The following MSRA variants were observed in gnomAD, a reference collection of about 807,000 sequenced individuals.
The protein encoded by MSRA is methionine sulfoxide reductase A.
A neutral mutation model predicts 31.3 loss-of-function variants in MSRA; 54 were observed. That is an observed-to-expected ratio of 1.73 (90% CI 1.39 to 2.17). The LOEUF is 2.17. Among genes scored for constraint, MSRA ranks in the 30% most tolerant of loss-of-function variants. The pLI is 0.00. For synonymous variants in MSRA, 169 were observed against 116.5 expected (o/e 1.45, Z -2.90); for missense variants, 507 against 300.9 (o/e 1.69, Z -5.07).
chr8:10,254,786 C>T (rs1585285645), intron 3 of MSRA, among the ~76,000 whole-genome samples: 1 of 152,208 alleles, frequency 6.6e-6, no homozygotes, highest in African/African-American at 2.4e-5. Flanking sequence ...ACATGTCTTT[C>T]GTGAGCATTT....
In MSRA at chr8:10,153,016, G is replaced by C. The variant is rs774624516; in HGVS notation, c.143-54817G>C. 3.1e-4 allele frequency among the ~76,000 whole-genome samples: 47 copies of C among 152,194 alleles called. 1 individual carries two copies. The highest frequency in any genetic ancestry group is 5.7e-4 in the Non-Finnish European group (39 of 68,028). The stretch of plus-strand genomic sequence containing the variant: ...CCAGGGGCTGAGGAGAAGAGGGGAT[G>C]AAGAGCTGCTGTTTAAAGGATGCAG... On this transcript the variant is annotated intron_variant, in intron 1 of 5. Transcript: ENST00000317173.
intron 1 of MSRA, among the ~76,000 whole-genome samples, chr8:10,087,085 C>G (rs1027829016): frequency 6.6e-6 from 1 of 152,154 alleles, no homozygotes; most frequent in Non-Finnish European, 1.5e-5. Flanking sequence ...TAAGAATTGT[C>G]ACGTGTAAAG....
intron 1 of MSRA, among the ~76,000 whole-genome samples, chr8:10,133,378 G>A (rs1802038921): frequency 6.6e-6 from 1 of 152,216 alleles, no homozygotes; most frequent in South Asian, 2.1e-4. Flanking sequence ...CCGTCAGGAA[G>A]GTTGTTGGTT....
intron 1 of MSRA, among the ~76,000 whole-genome samples, chr8:10,122,942 A>G (rs1044665822): frequency 2.1e-4 from 32 of 152,204 alleles, no homozygotes; most frequent in Middle Eastern, 3.4e-3. Context: ...GTCATTGGGC[A>G]TTAGGTTGAT....
chr8:10,162,553 C>T lies in MSRA; in HGVS notation c.143-45280C>T, dbSNP rs968054412. ...GGGCAGGTGACGGGAGGAGGACTGG[C>T]GGCCGTCAGTGGGGGCTACCATGGG... On this transcript the variant is annotated intron_variant, in intron 1 of 5. Coordinates refer to ENST00000317173, the MANE Select transcript of MSRA (RefSeq NM_012331.5). 5.9e-5 allele frequency among the ~76,000 whole-genome samples: 9 copies of T among 152,138 alleles called. No individual in the cohort carries two copies. The South Asian group carries it at 6.2e-4, about 11-fold the overall frequency.
chr8:10,425,026 G>T (rs117382880), intron 5 of MSRA, among the ~76,000 whole-genome samples: 1,806 of 152,342 alleles, frequency 0.012, 17 homozygotes, highest in Middle Eastern at 0.051. Context: ...TGACTTGCAA[G>T]TGAGGCAGCG....
intron 3 of MSRA, among the ~76,000 whole-genome samples, chr8:10,298,509 T>A (rs1206940498): frequency 6.6e-6 from 1 of 152,026 alleles, no homozygotes; most frequent in African/African-American, 2.4e-5. Flanking sequence ...GTACGGAATA[T>A]CAGTTTTGCG....
chr8:10,162,016 C>T (rs974274296), intron 1 of MSRA, among the ~76,000 whole-genome samples: 7 of 152,152 alleles, frequency 4.6e-5, no homozygotes, highest in Non-Finnish European at 7.3e-5. Context: ...CACAGGACGC[C>T]GCCCCTCGCT....
chr8:10,181,643 G>C (rs190356291), intron 1 of MSRA, among the ~76,000 whole-genome samples: 1 of 152,080 alleles, frequency 6.6e-6, no homozygotes, highest in Non-Finnish European at 1.5e-5. Flanking sequence ...GTGGAGAGGA[G>C]CCCAGAGAGA....
intron 1 of MSRA, among the ~76,000 whole-genome samples, chr8:10,089,323 A>G (rs1427137436): frequency 6.6e-6 from 1 of 152,218 alleles, no homozygotes; most frequent in Non-Finnish European, 1.5e-5. Context: ...AACAAACCTA[A>G]CAATTGCCTC....
intron 1 of MSRA, among the ~76,000 whole-genome samples, chr8:10,143,411 G>A (rs903447163): frequency 2.6e-5 from 4 of 152,110 alleles, no homozygotes; most frequent in Non-Finnish European, 2.9e-5. Context: ...CCAGTTTGTT[G>A]TATAATTTCA....
At chr8:10,296,720 C>A (rs1800563299) in intron 3 of MSRA, among the ~76,000 whole-genome samples, 1 of 152,328 alleles carries the variant, frequency 6.6e-6, no homozygotes, top group East Asian at 1.9e-4. Flanking sequence ...AAAGGCCCCC[C>A]CAGCATGGGT....
intron 1 of MSRA, among the ~76,000 whole-genome samples, chr8:10,057,012 T>C (rs2128910011): frequency 6.6e-6 from 1 of 152,338 alleles, no homozygotes; most frequent in East Asian, 1.9e-4. Context: ...CCTACCATTT[T>C]TATATTCTTA....
At chr8:10,065,383 G>GT (rs945907318) in intron 1 of MSRA, among the ~76,000 whole-genome samples, 5 of 152,022 alleles carry the variant, frequency 3.3e-5, no homozygotes, top group Admixed American at 6.6e-5. Flanking sequence ...CTTAAAAAAT[G>GT]TTTTTTTTCT....
intron 5 of MSRA, among the ~76,000 whole-genome samples, chr8:10,406,724 T>C (rs1276256059): frequency 1.3e-5 from 2 of 152,224 alleles, no homozygotes; most frequent in Non-Finnish European, 2.9e-5. Context: ...TCTGTGCTTG[T>C]TCCTTTGATT....
chr8:10,267,669 G>C (rs990736731), intron 3 of MSRA, among the ~76,000 whole-genome samples: 3 of 152,066 alleles, frequency 2.0e-5, no homozygotes, highest in African/African-American at 7.2e-5. Context: ...ACCGGAGTTG[G>C]AGTCTGACAG....
At chr8:10,348,204 T>G (rs1334277447) in intron 5 of MSRA, among the ~76,000 whole-genome samples, 2 of 152,152 alleles carry the variant, frequency 1.3e-5, no homozygotes, top group Admixed American at 6.5e-5. Flanking sequence ...GAACCATCAG[T>G]GTTTACTCAG....
chr8:10,153,636 C>T (rs1341238051), intron 1 of MSRA, among the ~76,000 whole-genome samples: 1 of 152,150 alleles, frequency 6.6e-6, no homozygotes, highest in Admixed American at 6.5e-5. Context: ...CCCAAAGCGA[C>T]AGCAGTGGTA....
chr8:10,094,804 T>C lies in MSRA; in HGVS notation c.142+40146T>C, dbSNP rs537867700. 9.8e-5 allele frequency among the ~76,000 whole-genome samples: 15 copies of C among 152,374 alleles called. No individual in the cohort carries two copies. The East Asian group carries it at 2.9e-3, about 29-fold the overall frequency. ...ACTTATTTATGCTTATTATATTGTA[T>C]TAACATGAATTAAGTAAACAAGTGA... On this transcript the variant is annotated intron_variant, in intron 1 of 5. Transcript: ENST00000317173.
Sources: allele counts gnomAD v4.1 joint callset (sites outside exome capture counted in the v4.1 genomes callset), GRCh38; gene constraint gnomAD v4.1.1; transcripts MANE v1.5; gene names NCBI Gene and HGNC (gene_info 2026-07-23, HGNC 2026-07-21).